Variants in WDR43 observed in about 807,000 individuals in gnomAD.
WDR43 encodes the protein WD repeat domain 43.
A neutral mutation model predicts 91.4 loss-of-function variants in WDR43; 13 were observed. That is an observed-to-expected ratio of 0.14 (90% CI 0.09 to 0.23). The LOEUF (loss-of-function observed/expected upper bound fraction) is 0.23. Among genes scored for constraint, WDR43 ranks in the 10% least tolerant of loss-of-function variants. WDR43 has a pLI of 1.00. For synonymous variants in WDR43, 331 were observed against 287.9 expected (o/e 1.15, Z -1.51); for missense variants, 780 against 809.4 (o/e 0.96, Z 0.44).
intron 6 of WDR43, 83 bp from the exon 7 acceptor site, chr2:28,922,836 A>C: frequency 5.7e-6 from 4 of 706,848 alleles, no homozygotes; most frequent in Non-Finnish European, 8.3e-6. Flanking sequence ...ATGGGGTGGG[A>C]AGGACAGCTG....
chr2:28,936,117 A>T (rs1190042358), intron 12 of WDR43, among the ~76,000 whole-genome samples: 3 of 152,130 alleles, frequency 2.0e-5, no homozygotes, highest in Non-Finnish European at 4.4e-5. Flanking sequence ...CAGGAGTTTA[A>T]GACTGTAATG....
In WDR43 at chr2:28,927,596, G is replaced by C; in HGVS notation, c.1201G>C (p.Ala401Pro). The change falls in exon 10 of 18, where the codon GCA (alanine) becomes CCA (proline). Residue 401 changes from alanine to proline, a missense_variant. Physicochemically the swap from Ala to Pro is conservative, Grantham distance 27. Around this residue, in one of 4 missense-constraint regions of WDR43, gnomAD observed 426 missense variants for 467.8 expected, o/e 0.91. Coordinates refer to ENST00000407426, the MANE Select transcript of WDR43 (RefSeq NM_015131.3). The stretch of plus-strand genomic sequence containing the variant: ...GAGGACACCAGTGATGAATTCTGAA[G>C]CAAAAGTTCTGGTGCCTGGGATTCC... ...KVRTPVMNSE[A>P]KVLVPGIPGH... 6.2e-7 allele frequency: 1 copy of C among 1,613,844 alleles called. No homozygotes were observed. The highest frequency in any genetic ancestry group is 8.5e-7 in the Non-Finnish European group (1 of 1,179,850).
chr2:28,927,510 A>T, intron 9 of WDR43, 59 bp from the exon 10 acceptor site: 1 of 1,579,688 alleles, frequency 6.3e-7, no homozygotes, highest in Non-Finnish European at 8.6e-7. Context: ...CTCATTGAGG[A>T]TACTTAAGGA....
rs546801683 is a variant in WDR43 at position 28,930,447 on chromosome 2, G to C, written c.1437+737G>C. Among the ~76,000 whole-genome samples, 5 of 152,312 alleles carry C rather than the reference G, an allele frequency of 3.3e-5. No individual in the cohort carries two copies. In the East Asian group the frequency reaches 9.6e-4, roughly 29 times the overall value. ...CTCATAGCAGTGTTGTGATTTCAGTGAGTGTCAATGTGACTTTAATCCATA... is the reference window on the plus strand; with the variant it reads ...CTCATAGCAGTGTTGTGATTTCAGTCAGTGTCAATGTGACTTTAATCCATA... On this transcript the variant is annotated intron_variant, in intron 11 of 17. Transcript: ENST00000407426.
At chr2:28,899,764 A>T (rs1670545814) in intron 1 of WDR43, among the ~76,000 whole-genome samples, 1 of 152,202 alleles carries the variant, frequency 6.6e-6, no homozygotes, top group African/African-American at 2.4e-5. Context: ...TTGGTTATAT[A>T]CACTTCTGGT....
intron 3 of WDR43, among the ~76,000 whole-genome samples, chr2:28,910,576 C>T (rs528942827): frequency 1.3e-5 from 2 of 150,882 alleles, no homozygotes; most frequent in African/African-American, 4.9e-5. Flanking sequence ...TATGAAGGAG[C>T]TATTTGTGTA....
chr2:28,902,757 C>T (rs1161400309), intron 2 of WDR43, among the ~76,000 whole-genome samples: 1 of 152,168 alleles, frequency 6.6e-6, no homozygotes, highest in Non-Finnish European at 1.5e-5. Context: ...ATTGGTAGAA[C>T]CTATGGATCG....
Position 28,902,038 on chromosome 2 carries a change from C to G in WDR43, c.277C>G (p.Gln93Glu). The change falls in exon 2 of 18, where the codon CAG becomes GAG. Residue 93 changes from glutamine (Q) to glutamate (E), a missense_variant. Physicochemically the swap from Gln to Glu is conservative, Grantham distance 29. This residue lies in a region of WDR43 where 174 missense variants were observed against 207.3 expected (regional missense o/e 0.84). Transcript: ENST00000407426. ...RKSEAVGMSNQTDLLALGTAV... is the reference protein window; with the variant it reads ...RKSEAVGMSNETDLLALGTAV... ...ATCAGAAGCTGTAGGAATGAGTAAC[C>G]AGACTGACTTATTGGCTCTTGGCAC... 1 of 1,609,892 alleles carries G rather than the reference C, an allele frequency of 6.2e-7. No homozygotes were observed. The highest frequency in any genetic ancestry group is 8.5e-7 in the Non-Finnish European group (1 of 1,178,838).
intron 1 of WDR43, chr2:28,895,229 G>A (rs1299600216): frequency 1.0e-5 from 3 of 287,292 alleles, no homozygotes; most frequent in African/African-American, 4.4e-5. Context: ...TGGTCCCCCT[G>A]GGGCGGCTTC....
chr2:28,912,590 C>G lies in WDR43; in HGVS notation c.486C>G (p.Cys162Trp). The change falls in exon 4 of 18, where the codon TGC becomes TGG. Residue 162 changes from cysteine (C) to tryptophan (W), a missense_variant and splice_region_variant. Cys to Trp is a radical substitution (Grantham distance 215). Around this residue, in one of 4 missense-constraint regions of WDR43, gnomAD observed 174 missense variants for 207.3 expected, o/e 0.84. Coordinates refer to ENST00000407426, the MANE Select transcript of WDR43 (RefSeq NM_015131.3). The stretch of plus-strand genomic sequence containing the variant: ...GCTTTTTTTTCTCTTCACAATATAG[C>G]AAATGGAAAGGCGACAATAGCAGTG... ...EWNVQTCKVK[C>W]KWKGDNSSVS... 2 of 1,613,018 alleles carry G rather than the reference C, an allele frequency of 1.2e-6. No individual in the cohort carries two copies. The highest frequency in any genetic ancestry group is 8.5e-7 in the Non-Finnish European group (1 of 1,179,596).
At chr2:28,912,881 A>G (rs1670829864) in intron 4 of WDR43, among the ~76,000 whole-genome samples, 171 bp downstream of exon 4, 1 of 152,180 alleles carries the variant, frequency 6.6e-6, no homozygotes, top group Non-Finnish European at 1.5e-5. Context: ...TTGATGTTAA[A>G]GAGACTAGAC....
intron 7 of WDR43, among the ~76,000 whole-genome samples, chr2:28,924,011 C>T (rs1671083372): frequency 6.6e-6 from 1 of 152,028 alleles, no homozygotes; most frequent in Non-Finnish European, 1.5e-5. Flanking sequence ...GTTGTGGAGT[C>T]AGGATGATAG....
rs76111745 is a variant in WDR43 at position 28,946,808 on chromosome 2, A to G, written c.*29A>G. The G allele has an allele frequency of 1.0e-4, 157 of 1,542,790 alleles. 2 individuals carry two copies. The African/African-American group carries it at 2.0e-3, about 19-fold the overall frequency. ...CAGCAAAGCAAGCCGGTCAAACTAT[A>G]TAAACTCTGGCTCACCTTGCCCAGT... On this transcript the variant is annotated 3_prime_UTR_variant, in exon 18 of 18. Coordinates refer to ENST00000407426, the MANE Select transcript of WDR43 (RefSeq NM_015131.3).
chr2:28,938,582 T>G (rs1671378139), intron 14 of WDR43, among the ~76,000 whole-genome samples: 1 of 152,242 alleles, frequency 6.6e-6, no homozygotes, highest in Admixed American at 6.5e-5. Context: ...ATTTTTTTTC[T>G]TTATCTAGTG....
At chr2:28,897,205 A>C (rs1399939849) in intron 1 of WDR43, among the ~76,000 whole-genome samples, 1 of 152,206 alleles carries the variant, frequency 6.6e-6, no homozygotes, top group African/African-American at 2.4e-5. Flanking sequence ...AACTAAGGAG[A>C]GACAGTTTTC....
intron 1 of WDR43, among the ~76,000 whole-genome samples, chr2:28,898,321 T>A (rs887746713): frequency 6.6e-6 from 1 of 152,200 alleles, no homozygotes; most frequent in African/African-American, 2.4e-5. Flanking sequence ...TTACCATCCC[T>A]TAGAGATGTA....
chr2:28,905,663 C>CTTTTTTTTTTT (rs1434158898), intron 2 of WDR43, among the ~76,000 whole-genome samples: 1 of 129,192 alleles, frequency 7.7e-6, no homozygotes, highest in Non-Finnish European at 1.6e-5. Context: ...CTCTCTTCTT[C>CTTTTTTTTTTT]TCTTTTTTTT....
At chr2:28,909,050 A>G (rs572717069) in intron 3 of WDR43, among the ~76,000 whole-genome samples, 1 of 152,266 alleles carries the variant, frequency 6.6e-6, no homozygotes, top group Admixed American at 6.5e-5. Context: ...GTTTCTGGAC[A>G]CATCAGTCAG....
At chr2:28,913,564 C>T in intron 4 of WDR43, 1 of 428,840 alleles carries the variant, frequency 2.3e-6, no homozygotes, top group South Asian at 1.8e-5. Flanking sequence ...TTCTAGCCTA[C>T]ATCCAGCATT....
Sources: gnomAD v4.1 joint callset for allele counts (sites outside exome capture counted in the v4.1 genomes callset) on GRCh38, gnomAD v4.1.1 for gene constraint, gnomAD v4.1.1 regional missense constraint, MANE v1.5 for transcripts, NCBI Gene and HGNC (gene_info 2026-07-23, HGNC 2026-07-21) for gene names.